Variants in KDM4C observed in about 807,000 individuals in gnomAD.
KDM4C encodes the protein lysine demethylase 4C, also known as lysine-specific demethylase 4C.
KDM4C carries 81 observed loss-of-function variants against 129.3 expected under a neutral mutation model. The observed-to-expected ratio is 0.63, with a 90% CI of 0.52 to 0.75. The LOEUF is 0.75. Among genes scored for constraint, KDM4C ranks in the 30% least tolerant of loss-of-function variants. The pLI is 0.00. For synonymous variants in KDM4C, 573 were observed against 456.1 expected (o/e 1.26, Z -3.26); for missense variants, 1,457 against 1,304.0 (o/e 1.12, Z -1.81).
chr9:6,869,261 A>G (rs1376836905), intron 5 of KDM4C, among the ~76,000 whole-genome samples: 2 of 152,170 alleles, frequency 1.3e-5, no homozygotes, highest in African/African-American at 2.4e-5. Flanking sequence ...ATGGGCCATG[A>G]ATGGCATTAA....
At chr9:6,794,352 G>A (rs1284194087) in intron 2 of KDM4C, among the ~76,000 whole-genome samples, 2 of 152,220 alleles carry the variant, frequency 1.3e-5, no homozygotes, top group Non-Finnish European at 2.9e-5. Context: ...AAGTCCAGCG[G>A]CCTGGAGGCT....
chr9:7,140,221 C>G (rs1465693731), intron 19 of KDM4C, among the ~76,000 whole-genome samples: 3 of 152,192 alleles, frequency 2.0e-5, no homozygotes, highest in Non-Finnish European at 4.4e-5. Context: ...TCGCCCTACA[C>G]TCCTGGTGTA....
At chr9:6,990,977 A>G (rs1818634492) in intron 12 of KDM4C, among the ~76,000 whole-genome samples, 5 of 152,110 alleles carry the variant, frequency 3.3e-5, no homozygotes, top group South Asian at 2.1e-4. Context: ...GTGGGGTGAA[A>G]CATCCTTTTT....
chr9:7,092,298 G>C (rs568653750), intron 17 of KDM4C, among the ~76,000 whole-genome samples: 92 of 152,288 alleles, frequency 6.0e-4, no homozygotes, highest in Non-Finnish European at 1.1e-3. Flanking sequence ...CTTAGTGGGA[G>C]AGCTGGGACT....
intron 5 of KDM4C, among the ~76,000 whole-genome samples, chr9:6,864,589 GC>G (rs542560496): frequency 3.3e-5 from 5 of 151,626 alleles, no homozygotes; most frequent in Non-Finnish European, 5.9e-5. Context: ...TGCTGCCTCA[GC>G]CCTCCATAGC....
In KDM4C at chr9:7,095,686, T is replaced by C. The variant is rs1261451732; in HGVS notation, c.2425-7999T>C. On this transcript the variant is annotated intron_variant, in intron 17 of 21. Transcript: ENST00000381309. ...TCAGAGAGATCTAAAACTGGGTAAG[T>C]TGAATAGAGTTAAGGAGTTCTTCTA... Among the ~76,000 whole-genome samples the C allele has an allele frequency of 2.0e-5, 3 of 152,248 alleles. No individual in the cohort carries two copies. In the East Asian group the frequency reaches 5.8e-4, roughly 29 times the overall value.
chr9:6,793,287 G>A (rs1373784854), intron 2 of KDM4C, among the ~76,000 whole-genome samples, 155 bp downstream of exon 2: 3 of 151,946 alleles, frequency 2.0e-5, no homozygotes, highest in Non-Finnish European at 2.9e-5. Flanking sequence ...TCTTCAAATA[G>A]TAATTGTCTT....
chr9:6,814,564 A>C, intron 3 of KDM4C, 67 bp from the exon 4 acceptor site: 3 of 966,176 alleles, frequency 3.1e-6, no homozygotes, highest in Non-Finnish European at 4.6e-6. Context: ...GATTTAAATC[A>C]ATTTGGTGGG....
intron 19 of KDM4C, among the ~76,000 whole-genome samples, chr9:7,143,194 G>C (rs931364824): frequency 6.6e-6 from 1 of 152,156 alleles, no homozygotes; most frequent in Non-Finnish European, 1.5e-5. Context: ...GGCATGTTTT[G>C]GTTTCCAGTT....
At chr9:6,800,761 G>C (rs1828796143) in intron 2 of KDM4C, among the ~76,000 whole-genome samples, 2 of 152,100 alleles carry the variant, frequency 1.3e-5, no homozygotes, top group South Asian at 4.1e-4. Flanking sequence ...CGAGTAGCTA[G>C]GACTATAGGC....
intron 4 of KDM4C, among the ~76,000 whole-genome samples, chr9:6,843,296 C>T (rs1837309544): frequency 6.6e-6 from 1 of 152,204 alleles, no homozygotes; most frequent in African/African-American, 2.4e-5. Flanking sequence ...GTGAATCCGT[C>T]GAGGTGCCCC....
At chr9:6,809,894 G>A (rs1206092521) in intron 3 of KDM4C, among the ~76,000 whole-genome samples, 1 of 152,138 alleles carries the variant, frequency 6.6e-6, no homozygotes, top group East Asian at 1.9e-4. Flanking sequence ...GTACTCAGGA[G>A]GCTGAGGATT....
intron 1 of KDM4C, among the ~76,000 whole-genome samples, chr9:6,787,782 C>T (rs1825787455): frequency 6.6e-6 from 1 of 152,308 alleles, no homozygotes; most frequent in South Asian, 2.1e-4. Flanking sequence ...TGAGCCAGCT[C>T]ATTTCTCTGC....
intron 14 of KDM4C, chr9:7,014,245 G>A: frequency 4.8e-6 from 2 of 420,272 alleles, no homozygotes; most frequent in South Asian, 4.7e-5. Flanking sequence ...GTTTGTTTGG[G>A]GTCCAGTTGA....
chr9:6,748,147 C>G (rs1247193354), intron 1 of KDM4C, among the ~76,000 whole-genome samples: 2 of 149,498 alleles, frequency 1.3e-5, no homozygotes, highest in South Asian at 2.1e-4. Context: ...GCCTGAGTAA[C>G]AGAGCAAGAC....
chr9:6,964,069 C>T (rs868864003), intron 8 of KDM4C, among the ~76,000 whole-genome samples: 1 of 152,012 alleles, frequency 6.6e-6, no homozygotes, highest in Non-Finnish European at 1.5e-5. Context: ...GTAATCTTTG[C>T]TTTCTTTATT....
chr9:6,974,889 G>A (rs1256862204), intron 8 of KDM4C: 1 of 152,162 alleles, frequency 6.6e-6, no homozygotes, highest in African/African-American at 2.4e-5. Flanking sequence ...GGAGTGGATT[G>A]TTTAATATCT....
chr9:6,887,855 G>T, intron 6 of KDM4C, 105 bp from the exon 7 acceptor site: 1 of 722,330 alleles, frequency 1.4e-6, no homozygotes. Context: ...GTCCATACTT[G>T]CATAAGTCAA....
Position 7,117,068 on chromosome 9 carries a change from G to A in KDM4C, c.2611-10998G>A, listed in dbSNP as rs556573757. On this transcript the variant is annotated intron_variant, in intron 18 of 21. Transcript: ENST00000381309. ...TATTATGATTATACCCATGTGACAG[G>A]TTATGAAATTGAATTTCAGAGAGGT... 3.7e-3 allele frequency among the ~76,000 whole-genome samples: 558 copies of A among 152,292 alleles called. 4 individuals are homozygous for A. The highest frequency in any genetic ancestry group is 0.013 in the African/African-American group (525 of 41,560).
Sources: gnomAD v4.1 joint callset for allele counts (sites outside exome capture counted in the v4.1 genomes callset) on GRCh38, gnomAD v4.1.1 for gene constraint, MANE v1.5 for transcripts, NCBI Gene and HGNC (gene_info 2026-07-23, HGNC 2026-07-21) for gene names.